STK24: variants seen among roughly 807,000 people sequenced by gnomAD.
STK24 encodes serine/threonine kinase 24.
STK24 carries 21 observed loss-of-function variants against 55.6 expected under a neutral mutation model. The ratio of observed to expected loss-of-function variants is 0.38; its 90% CI spans 0.27 to 0.54. The LOEUF (loss-of-function observed/expected upper bound fraction) is 0.54. Among genes scored for constraint, STK24 ranks in the 20% least tolerant of loss-of-function variants. The pLI is 0.79. For synonymous variants in STK24, 200 were observed against 215.2 expected (o/e 0.93, Z 0.62); for missense variants, 383 against 538.4 (o/e 0.71, Z 2.86).
At position 98,446,225 on chromosome 13, in the gene STK24, C is replaced by T. The variant is rs1461332130; in HGVS notation, c.*6948G>A. 6.5e-7 allele frequency: 1 copy of T among 1,547,790 alleles called. No homozygotes were observed. The highest frequency in any genetic ancestry group is 8.9e-7 in the Non-Finnish European group (1 of 1,120,938). On this transcript the variant is annotated 3_prime_UTR_variant, in exon 11 of 11. Transcript: ENST00000539966. The stretch of plus-strand genomic sequence containing the variant: ...CACCAGGTAAGTGTCTCGCACAGGG[C>T]AGGTGGCCCTGGGACCTTGGGGGTG...
intron 1 of STK24, among the ~76,000 whole-genome samples, chr13:98,528,034 C>T (rs980806853): frequency 2.6e-5 from 4 of 152,176 alleles, no homozygotes; most frequent in Non-Finnish European, 5.9e-5. Context: ...AATAATCAGG[C>T]CTCCGCAAAG....
At chr13:98,543,190 C>G (rs779696387) in intron 1 of STK24, among the ~76,000 whole-genome samples, 1 of 151,728 alleles carries the variant, frequency 6.6e-6, no homozygotes, top group Non-Finnish European at 1.5e-5. Context: ...TTGTTTTTTT[C>G]CCCAAAAAAA....
At chr13:98,572,481 A>C (rs1424800992) in intron 1 of STK24, among the ~76,000 whole-genome samples, 2 of 152,148 alleles carry the variant, frequency 1.3e-5, no homozygotes, top group East Asian at 3.9e-4. Context: ...GTACAAGAGC[A>C]CTTAAGCCAC....
chr13:98,551,178 C>G (rs974520524), intron 1 of STK24, among the ~76,000 whole-genome samples: 2 of 151,236 alleles, frequency 1.3e-5, no homozygotes, highest in Non-Finnish European at 1.5e-5. Flanking sequence ...CCCAGCTACT[C>G]GGGAGGCTGA....
At chr13:98,475,435 T>C in intron 3 of STK24, 77 bp from the exon 4 acceptor site, 1 of 967,908 alleles carries the variant, frequency 1.0e-6, no homozygotes, top group Non-Finnish European at 1.6e-6. Context: ...AGAAACACTA[T>C]CCATGTTAAT....
rs539806435 is a variant in STK24, at chr13:98,542,036, A to T, written c.43-22563T>A. On this transcript the variant is annotated intron_variant, in intron 1 of 10. Coordinates refer to ENST00000539966, the MANE Select transcript of STK24 (RefSeq NM_001032296.4). ...GTGAGTCAAAGCTCGTTCCATCTCC[A>T]CCCGCTGTTCTCCAAGGGTCCACTA... Among the ~76,000 whole-genome samples, 3 of 152,162 alleles carry T rather than the reference A, an allele frequency of 2.0e-5. No homozygotes were observed. In the East Asian group the frequency reaches 5.8e-4, roughly 29 times the overall value.
rs556378364 is a variant in STK24 at position 98,554,317 on chromosome 13, C to T, written c.42+22428G>A. Among the ~76,000 whole-genome samples, 4 of 152,302 alleles carry T rather than the reference C, an allele frequency of 2.6e-5. No homozygotes were observed. In the East Asian group the frequency reaches 7.7e-4, roughly 29 times the overall value. ...TTAATACCTACTGCTCTTTACAGAA[C>T]AGAACTTCCTTTAAAACAGGACATT... is the stretch of plus-strand genomic sequence containing the variant. On this transcript the variant is annotated intron_variant, in intron 1 of 10. Coordinates refer to ENST00000539966, the MANE Select transcript of STK24 (RefSeq NM_001032296.4).
Position 98,475,673 on chromosome 13 carries a change from G to A in STK24, c.331-315C>T, listed in dbSNP as rs556944310. Among the ~76,000 whole-genome samples the A allele has an allele frequency of 2.5e-3, 376 of 152,260 alleles. 3 individuals are homozygous for A. The highest frequency in any genetic ancestry group is 4.1e-3 in the Admixed American group (62 of 15,304). On this transcript the variant is annotated intron_variant, in intron 3 of 10. Coordinates refer to ENST00000539966, the MANE Select transcript of STK24 (RefSeq NM_001032296.4). ...GCGACCCCCTGGCCATGGCAGGGGC[G>A]GGGCGCAGGCTGAGCCAATGAGGAA...
chr13:98,555,211 C>T (rs1194856136), intron 1 of STK24, among the ~76,000 whole-genome samples: 1 of 152,136 alleles, frequency 6.6e-6, no homozygotes, highest in Non-Finnish European at 1.5e-5. Context: ...CATCCCTTTT[C>T]CCCTCATGTA....
At chr13:98,520,894 C>T (rs565925362) in intron 1 of STK24, among the ~76,000 whole-genome samples, 2 of 152,372 alleles carry the variant, frequency 1.3e-5, no homozygotes, top group Admixed American at 6.5e-5. Context: ...AGAGCCCCTG[C>T]CCCATGTTTG....
At chr13:98,547,372 C>T (rs1256837258) in intron 1 of STK24, among the ~76,000 whole-genome samples, 1 of 152,050 alleles carries the variant, frequency 6.6e-6, no homozygotes, top group East Asian at 1.9e-4. Flanking sequence ...CATAATGAGA[C>T]CCCATCTCCA....
In STK24 at chr13:98,491,854, A is replaced by G. The variant is rs368701771; in HGVS notation, c.274-9533T>C. 1.3e-4 allele frequency among the ~76,000 whole-genome samples: 20 copies of G among 152,342 alleles called. 2 individuals are homozygous for G. The highest frequency in any genetic ancestry group is 4.6e-4 in the African/African-American group (19 of 41,586). ...TCCAGTTACTATAACCAAGGAAAAA[A>G]TAGATCACATATCCATTTGCAATAG... On this transcript the variant is annotated intron_variant, in intron 2 of 10. Transcript: ENST00000539966.
intron 3 of STK24, among the ~76,000 whole-genome samples, chr13:98,480,513 G>C (rs1894541305): frequency 6.6e-6 from 1 of 152,106 alleles, no homozygotes; most frequent in African/African-American, 2.4e-5. Context: ...AGTTGTAAAA[G>C]TAATCCCACT....
intron 2 of STK24, among the ~76,000 whole-genome samples, chr13:98,495,483 C>G (rs371242162): frequency 2.0e-5 from 3 of 152,324 alleles, no homozygotes. Flanking sequence ...GCCATTAATA[C>G]TTATTTTAAA....
chr13:98,531,851 T>C (rs184539674), intron 1 of STK24, among the ~76,000 whole-genome samples: 26 of 152,264 alleles, frequency 1.7e-4, no homozygotes, highest in South Asian at 2.1e-4. Flanking sequence ...TGGAACTGCA[T>C]AGACGCAGGA....
At chr13:98,458,095 T>G (rs1475057562) in intron 9 of STK24, among the ~76,000 whole-genome samples, 2 of 152,190 alleles carry the variant, frequency 1.3e-5, no homozygotes, top group African/African-American at 2.4e-5. Flanking sequence ...AAATATTTGA[T>G]TTCATGTAAA....
intron 2 of STK24, among the ~76,000 whole-genome samples, chr13:98,497,405 C>T (rs1413054406): frequency 6.6e-6 from 1 of 152,238 alleles, no homozygotes; most frequent in Admixed American, 6.5e-5. Flanking sequence ...TTTTCCCTGC[C>T]TGCCAGATCA....
rs1327004927 is a variant in STK24 at position 98,449,891 on chromosome 13, TC to T, written c.*3281del. ...ACAGGGAGGGCCTGCCCCCCACTGT[TC>T]CCTATGCTCCCCCCACCTCCAGGCA... On this transcript the variant is annotated 3_prime_UTR_variant, in exon 11 of 11. Coordinates refer to ENST00000539966, the MANE Select transcript of STK24 (RefSeq NM_001032296.4). 1 of 152,084 alleles carries T rather than the reference TC, an allele frequency of 6.6e-6. No homozygotes were observed. The highest frequency in any genetic ancestry group is 1.5e-5 in the Non-Finnish European group (1 of 68,050). The allele number at this position is 152,084 out of a possible 1,614,324, so 9.4% of individuals were successfully genotyped here.
intron 1 of STK24, among the ~76,000 whole-genome samples, chr13:98,572,070 C>T (rs938413018): frequency 3.9e-5 from 6 of 152,218 alleles, no homozygotes; most frequent in Non-Finnish European, 7.4e-5. Flanking sequence ...CTAGATCTAG[C>T]CCACCAGAAG....
Sources: gnomAD v4.1 joint callset for allele counts (sites outside exome capture counted in the v4.1 genomes callset) on GRCh38, gnomAD v4.1.1 for gene constraint, MANE v1.5 for transcripts, NCBI Gene and HGNC (gene_info 2026-07-23, HGNC 2026-07-21) for gene names.